STON2: variants seen among roughly 807,000 people sequenced by gnomAD.
The protein encoded by STON2 is stonin 2.
Under a neutral mutation model 65.7 loss-of-function variants are expected in STON2, and 29 were observed. That is an observed-to-expected ratio of 0.44 (90% CI 0.33 to 0.60). STON2 has a LOEUF of 0.60. Among genes scored for constraint, STON2 ranks in the 20% least tolerant of loss-of-function variants. The pLI, the probability that STON2 is intolerant of heterozygous loss-of-function variation, is 0.03. For synonymous variants in STON2, 404 were observed against 414.2 expected, an observed-to-expected ratio of 0.98 and a Z score of 0.30; for missense variants, 1,054 against 1,118.1, an observed-to-expected ratio of 0.94 and a Z score of 0.82.
At chr14:81,294,458 C>T (rs1400350998) in intron 5 of STON2, among the ~76,000 whole-genome samples, 1 of 152,154 alleles carries the variant, frequency 6.6e-6, no homozygotes, top group East Asian at 1.9e-4. Context: ...TACTCTACTC[C>T]ACCTACTAGC....
chr14:81,267,145 C>T lies in STON2; in HGVS notation c.*1269G>A, dbSNP rs1894387466. Reference sequence around the variant, plus strand: ...CTTGTATTCTTCATGGGAGAAAACACTAAGATACAAATAAGAAGCAGAGGT... The same window carrying T: ...CTTGTATTCTTCATGGGAGAAAACATTAAGATACAAATAAGAAGCAGAGGT... On this transcript the variant is annotated 3_prime_UTR_variant, in exon 8 of 8. Coordinates refer to ENST00000614646, the MANE Select transcript of STON2 (RefSeq NM_001394390.1). 2.0e-6 allele frequency: 2 copies of T among 984,918 alleles called. No individual in the cohort carries two copies. Among genetic ancestry groups the T allele is most frequent in the Non-Finnish European group, 2.4e-6 (2 of 829,884 alleles). 61.0% of individuals were successfully genotyped at this position (984,918 alleles called of 1,614,324 possible). A position where few individuals can be genotyped will look rare whatever the true frequency, so the allele number is the denominator to read the frequency against.
chr14:81,337,741 T>G (rs1044057796), intron 4 of STON2, among the ~76,000 whole-genome samples: 1 of 152,096 alleles, frequency 6.6e-6, no homozygotes, highest in Admixed American at 6.5e-5. Flanking sequence ...GCTGCTGAGA[T>G]AGCAAGGAGG....
intron 5 of STON2, among the ~76,000 whole-genome samples, chr14:81,282,441 G>C (rs1439754127): frequency 6.6e-6 from 1 of 152,026 alleles, no homozygotes; most frequent in Non-Finnish European, 1.5e-5. Flanking sequence ...TATTAAATTA[G>C]GGAAATATTA....
At chr14:81,335,089 C>T (rs1897325262) in intron 4 of STON2, among the ~76,000 whole-genome samples, 1 of 151,750 alleles carries the variant, frequency 6.6e-6, no homozygotes, top group South Asian at 2.1e-4. Context: ...TGGTCTCAAA[C>T]TCCTGGACTC....
chr14:81,361,594 A>G (rs1898495990), intron 4 of STON2, among the ~76,000 whole-genome samples: 1 of 152,148 alleles, frequency 6.6e-6, no homozygotes, highest in Admixed American at 6.6e-5. Context: ...CTAGGCAATG[A>G]TTTTTTACAT....
intron 6 of STON2, among the ~76,000 whole-genome samples, chr14:81,275,808 A>AT (rs1894792990): frequency 6.6e-6 from 1 of 152,098 alleles, no homozygotes; most frequent in Non-Finnish European, 1.5e-5. Flanking sequence ...CGGCCGTCAC[A>AT]TTGCATTACA....
intron 5 of STON2, among the ~76,000 whole-genome samples, chr14:81,292,425 C>T (rs1895593589): frequency 1.3e-5 from 2 of 151,434 alleles, no homozygotes; most frequent in South Asian, 2.1e-4. Context: ...ACTTATGGTT[C>T]CCATAATCCC....
Position 81,264,570 on chromosome 14 carries a change from C to T in STON2, c.*3844G>A. 3 of 984,572 alleles carry T rather than the reference C, an allele frequency of 3.0e-6. No individual in the cohort carries two copies. The highest frequency in any genetic ancestry group is 3.6e-6 in the Non-Finnish European group (3 of 829,196). The allele number at this position is 984,572 out of a possible 1,614,324, so 61.0% of individuals were successfully genotyped here. ...ATATATAGTCCTTGCCTTCATGGAT[C>T]CCATTTATCAGAAACATAAGTTTCT... On this transcript the variant is annotated 3_prime_UTR_variant, in exon 8 of 8. Transcript: ENST00000614646.
intron 2 of STON2, among the ~76,000 whole-genome samples, chr14:81,424,425 C>T (rs930147755): frequency 6.7e-6 from 1 of 150,196 alleles, no homozygotes; most frequent in South Asian, 2.1e-4. Flanking sequence ...GCCTGGATGA[C>T]AAAGCAAGAC....
intron 5 of STON2, among the ~76,000 whole-genome samples, chr14:81,286,161 A>T (rs1379385063): frequency 2.6e-5 from 4 of 152,244 alleles, no homozygotes; most frequent in African/African-American, 9.6e-5. Flanking sequence ...TCTCAAAAAA[A>T]TAAAATAAGT....
chr14:81,424,418 T>C (rs1356826620), intron 2 of STON2, among the ~76,000 whole-genome samples: 1 of 151,918 alleles, frequency 6.6e-6, no homozygotes, highest in African/African-American at 2.4e-5. Context: ...TACTCCAGCC[T>C]GGATGACAAA....
At chr14:81,423,021 C>T (rs1901786574) in intron 2 of STON2, among the ~76,000 whole-genome samples, 1 of 147,084 alleles carries the variant, frequency 6.8e-6, no homozygotes, top group Admixed American at 6.8e-5. Context: ...GGAGACAGGG[C>T]AAGACTCTGT....
At chr14:81,374,914 A>T (rs1237409897) in intron 3 of STON2, among the ~76,000 whole-genome samples, 1 of 152,194 alleles carries the variant, frequency 6.6e-6, no homozygotes, top group African/African-American at 2.4e-5. Flanking sequence ...ACTAAAAATA[A>T]ATCTACAAAT....
At chr14:81,402,797 A>G (rs1281114526), upstream of STON2, among the ~76,000 whole-genome samples, 1 of 152,174 alleles carries the variant, frequency 6.6e-6, no homozygotes, top group African/African-American at 2.4e-5. Flanking sequence ...CCCTGCCTTC[A>G]GTATCACCTG....
Position 81,317,317 on chromosome 14 carries a change from C to T in STON2, c.742+6700G>A, listed in dbSNP as rs546022718. Among the ~76,000 whole-genome samples, 7 of 152,280 alleles carry T rather than the reference C, an allele frequency of 4.6e-5. No homozygotes were observed. The South Asian group carries it at 1.4e-3, about 32-fold the overall frequency. Reference sequence around the variant, plus strand: ...CCCAGGACCCAAACCTCCCACCAGGCCCCACCTCCAAAATAGGGGATCACA... The same window carrying T: ...CCCAGGACCCAAACCTCCCACCAGGTCCCACCTCCAAAATAGGGGATCACA... On this transcript the variant is annotated intron_variant, in intron 5 of 7. Coordinates refer to ENST00000614646, the MANE Select transcript of STON2 (RefSeq NM_001394390.1).
chr14:81,356,712 C>T (rs1314878260), intron 4 of STON2, among the ~76,000 whole-genome samples: 3 of 152,064 alleles, frequency 2.0e-5, no homozygotes, highest in Non-Finnish European at 4.4e-5. Context: ...TTCAGAGATT[C>T]AACTTCTTCC....
At chr14:81,287,594 G>T (rs1388460832) in intron 5 of STON2, among the ~76,000 whole-genome samples, 1 of 152,080 alleles carries the variant, frequency 6.6e-6, no homozygotes, top group East Asian at 1.9e-4. Context: ...ACACATCCCA[G>T]CTTTCATTTT....
At chr14:81,400,818 G>A (rs1900575866), upstream of STON2, among the ~76,000 whole-genome samples, 1 of 151,948 alleles carries the variant, frequency 6.6e-6, no homozygotes, top group African/African-American at 2.4e-5. Flanking sequence ...ATACAGTCGT[G>A]GACTCATAAC....
intron 5 of STON2, among the ~76,000 whole-genome samples, chr14:81,284,883 T>C (rs141801042): frequency 6.2e-4 from 94 of 152,320 alleles, no homozygotes; most frequent in Non-Finnish European, 1.1e-3. Context: ...ATTATGCAAA[T>C]CTACCTTGCC....
Sources: gnomAD v4.1 joint callset for allele counts (sites outside exome capture counted in the v4.1 genomes callset) on GRCh38, gnomAD v4.1.1 for gene constraint, MANE v1.5 for transcripts, NCBI Gene and HGNC (gene_info 2026-07-23, HGNC 2026-07-21) for gene names.